Variants in COL22A1 observed in about 807,000 individuals in gnomAD.
COL22A1 encodes the protein collagen alpha-1(XXII) chain.
COL22A1 carries 221 observed loss-of-function variants against 248.9 expected under a neutral mutation model. The observed-to-expected ratio is 0.89, with a 90% CI of 0.80 to 0.99. The LOEUF (loss-of-function observed/expected upper bound fraction) is 0.99. COL22A1 is among the 50% of genes least tolerant of loss of function. The pLI, the probability that COL22A1 is intolerant of heterozygous loss-of-function variation, is 0.00. For synonymous variants in COL22A1, 891 were observed against 793.4 expected (o/e 1.12, Z -2.07); for missense variants, 2,240 against 2,179.0 (o/e 1.03, Z -0.56).
intron 4 of COL22A1, among the ~76,000 whole-genome samples, chr8:138,837,356 G>A (rs866010824): frequency 1.3e-5 from 2 of 152,196 alleles, no homozygotes; most frequent in African/African-American, 4.8e-5. Context: ...CAAGTTGGAC[G>A]AGGCCAGTCA....
At chr8:138,722,851 G>GT (rs1829981363) in intron 25 of COL22A1, among the ~76,000 whole-genome samples, 1 of 15,488 alleles carries the variant, frequency 6.5e-5, no homozygotes, top group Non-Finnish European at 2.8e-4. Context: ...ACATGGGGGC[G>GT]GGGGGGGGGT....
intron 3 of COL22A1, among the ~76,000 whole-genome samples, chr8:138,856,293 T>C (rs10105701): frequency 0.022 from 3,370 of 152,316 alleles, 113 homozygotes; most frequent in African/African-American, 0.076. Context: ...CTGTTCACTG[T>C]ATGAAACCAT....
chr8:138,716,389 G>GAGC, intron 28 of COL22A1, 100 bp from the exon 29 acceptor site: 1 of 806,436 alleles, frequency 1.2e-6, no homozygotes, highest in Non-Finnish European at 2.0e-6. Context: ...AGGAACTGGA[G>GAGC]ATGTTCTGGC....
chr8:138,800,405 G>A (rs560812405), intron 11 of COL22A1, among the ~76,000 whole-genome samples: 3 of 152,308 alleles, frequency 2.0e-5, no homozygotes, highest in African/African-American at 7.2e-5. Flanking sequence ...ATTTCACCAG[G>A]TATTATCTTT....
At chr8:138,886,118 TCTC>T (rs1824647429) in intron 1 of COL22A1, among the ~76,000 whole-genome samples, 1 of 152,196 alleles carries the variant, frequency 6.6e-6, no homozygotes, top group Non-Finnish European at 1.5e-5. Flanking sequence ...CGTATCACCT[TCTC>T]CCCTCTGATC....
At chr8:138,870,682 T>C (rs900959203) in intron 3 of COL22A1, among the ~76,000 whole-genome samples, 1 of 151,914 alleles carries the variant, frequency 6.6e-6, no homozygotes, top group Non-Finnish European at 1.5e-5. Context: ...TATTTGCATG[T>C]GGTGTGTGGT....
chr8:138,805,266 ATG>A (rs1193834115), intron 10 of COL22A1, among the ~76,000 whole-genome samples: 9 of 98,538 alleles, frequency 9.1e-5, no homozygotes, highest in Non-Finnish European at 1.2e-4. Flanking sequence ...GTGAGCATGC[ATG>A]TGTGTGTGTG....
Position 138,690,933 on chromosome 8 carries a change from ACT to A in COL22A1, c.2755-61_2755-60del. 4 of 1,388,302 alleles carry A rather than the reference ACT, an allele frequency of 2.9e-6. 1 individual carries two copies. The highest frequency in any genetic ancestry group is 3.6e-4 in the Middle Eastern group (2 of 5,560). The allele number at this position is 1,388,302 out of a possible 1,614,324, so 86.0% of individuals were successfully genotyped here. ...GCATTGATTAGAAGTAGTTGCCCCC[ACT>A]CTCTCTGCAAATCTGCCTCATACTC... On this transcript the variant is annotated intron_variant, in intron 35 of 64. Transcript: ENST00000303045.
rs369159824 is a variant in COL22A1, at chr8:138,702,035, T to C, written c.2559+1271A>G. Among the ~76,000 whole-genome samples, 41 of 152,370 alleles carry C rather than the reference T, an allele frequency of 2.7e-4. 1 individual carries two copies. The South Asian group carries it at 8.5e-3, about 32-fold the overall frequency. ...TATTGTCATAAGTGATACTACAATG[T>C]ACATCCTTATACATGCTTTTAAAAA... On this transcript the variant is annotated intron_variant, in intron 31 of 64. Transcript: ENST00000303045.
intron 45 of COL22A1, among the ~76,000 whole-genome samples, chr8:138,651,406 T>A (rs1014189022): frequency 3.3e-5 from 5 of 152,212 alleles, no homozygotes; most frequent in African/African-American, 1.2e-4. Flanking sequence ...GAATCAGGCA[T>A]CCCAACTAAC....
At chr8:138,805,136 GGT>G (rs141320047) in intron 10 of COL22A1, among the ~76,000 whole-genome samples, 46,840 of 137,614 alleles carry the variant, frequency 0.34, 8,833 homozygotes, top group African/African-American at 0.54. Context: ...TGTGTGATGG[GGT>G]GTGTGTGCAT....
chr8:138,734,227 C>T (rs1830934599), intron 23 of COL22A1, among the ~76,000 whole-genome samples: 1 of 152,158 alleles, frequency 6.6e-6, no homozygotes, highest in Non-Finnish European at 1.5e-5. Context: ...CCTCACCTTG[C>T]CTGAATAAAT....
intron 41 of COL22A1, among the ~76,000 whole-genome samples, chr8:138,673,211 ATT>A (rs5895548): frequency 4.3e-5 from 6 of 138,296 alleles, no homozygotes; most frequent in Non-Finnish European, 3.1e-5. Flanking sequence ...CAGCCGATCT[ATT>A]TTTTTTTTTT....
rs1196501856 is a variant in COL22A1, at chr8:138,821,343, A to T, written c.1038T>A (p.Ala346=). 1 of 1,614,226 alleles carries T rather than the reference A, an allele frequency of 6.2e-7. No individual in the cohort carries two copies. The highest frequency in any genetic ancestry group is 1.3e-5 in the African/African-American group (1 of 75,072). ...EYNAVGAMKD[A]VRVVFRGSRV... is the part of the protein sequence containing the mutation. ...GAGAACCTCGGAAGACCACCCTGAC[A>T]GCATCTTTCATGGCACCCACAGCGT... Residue 346 remains alanine, a synonymous_variant, in exon 7 of 65, where the codon GCT becomes GCA. Coordinates refer to ENST00000303045, the MANE Select transcript of COL22A1 (RefSeq NM_152888.3).
intron 60 of COL22A1, among the ~76,000 whole-genome samples, chr8:138,599,396 G>A (rs1029154515): frequency 9.9e-5 from 15 of 152,024 alleles, no homozygotes; most frequent in East Asian, 3.9e-4. Context: ...GGAGAATGGC[G>A]TGAACCCGGG....
chr8:138,785,127 C>G (rs982953323), intron 12 of COL22A1, among the ~76,000 whole-genome samples: 8 of 152,166 alleles, frequency 5.3e-5, no homozygotes, highest in Admixed American at 3.3e-4. Flanking sequence ...CCAGCCTTAG[C>G]TCTCCCTCTC....
At chr8:138,636,190 C>G (rs1379433742) in intron 48 of COL22A1, among the ~76,000 whole-genome samples, 1 of 151,912 alleles carries the variant, frequency 6.6e-6, no homozygotes, top group African/African-American at 2.4e-5. Flanking sequence ...GCTGGTTGTG[C>G]TGGATAGAGG....
At chr8:138,821,465 G>A in intron 6 of COL22A1, 54 bp from the exon 7 acceptor site, 2 of 1,556,082 alleles carry the variant, frequency 1.3e-6, no homozygotes, top group Non-Finnish European at 1.8e-6. Context: ...AAGGGAAAAG[G>A]AGAGAATGGG....
chr8:138,681,060 A>G (rs1445499071), intron 39 of COL22A1, among the ~76,000 whole-genome samples: 1 of 152,148 alleles, frequency 6.6e-6, no homozygotes, highest in Admixed American at 6.5e-5. Context: ...TTCCTCCAAC[A>G]ACTGCATGCC....
Sources: gnomAD v4.1 joint callset for allele counts (sites outside exome capture counted in the v4.1 genomes callset) on GRCh38, gnomAD v4.1.1 for gene constraint, MANE v1.5 for transcripts, NCBI Gene and HGNC (gene_info 2026-07-23, HGNC 2026-07-21) for gene names.